The following ADAMTS10 variants were observed in gnomAD, a reference collection of about 807,000 sequenced individuals.
ADAMTS10 encodes ADAM metallopeptidase with thrombospondin type 1 motif 10, also known as A disintegrin and metalloproteinase with thrombospondin motifs 10.
A neutral mutation model predicts 135.9 loss-of-function variants in ADAMTS10; 48 were observed. The observed-to-expected ratio is 0.35, with a 90% CI of 0.28 to 0.45. The LOEUF (loss-of-function observed/expected upper bound fraction) is 0.45. Ranked by LOEUF, ADAMTS10 falls within the 20% of genes least tolerant of loss-of-function variation. ADAMTS10 has a pLI of 1.00. For missense variants in ADAMTS10, 1,131 were observed against 1,565.2 expected, an observed-to-expected ratio of 0.72 and a Z score of 4.68; for synonymous variants, 621 against 647.5, an observed-to-expected ratio of 0.96 and a Z score of 0.62.
intron 5 of ADAMTS10, among the ~76,000 whole-genome samples, 155 bp downstream of exon 5, chr19:8,603,573 C>T (rs560570460): frequency 1.6e-4 from 25 of 152,236 alleles, no homozygotes; most frequent in Non-Finnish European, 3.1e-4. Context: ...TGCACCCGGC[C>T]GGAACTCCAT....
intron 13 of ADAMTS10, among the ~76,000 whole-genome samples, chr19:8,592,390 G>T (rs782410492): frequency 7.3e-5 from 11 of 151,640 alleles, no homozygotes; most frequent in Non-Finnish European, 1.3e-4. Flanking sequence ...TCAGGCTGGG[G>T]AGGGGAGGTC....
chr19:8,604,990 C>A, intron 4 of ADAMTS10, 22 bp downstream of exon 4: 1 of 1,577,028 alleles, frequency 6.3e-7, no homozygotes, highest in Non-Finnish European at 8.6e-7. Context: ...TTTCCCCCCG[C>A]GTTCCAGAAT....
chr19:8,592,911 T>C (rs2042559595), intron 12 of ADAMTS10, 41 bp from the exon 13 acceptor site: 5 of 1,576,946 alleles, frequency 3.2e-6, no homozygotes, highest in Non-Finnish European at 4.3e-6. Flanking sequence ...CCCCCTCCCT[T>C]CCTCCCTGGG....
At chr19:8,588,338 AG>A (rs1188265960) in intron 18 of ADAMTS10, among the ~76,000 whole-genome samples, 4 of 151,380 alleles carry the variant, frequency 2.6e-5, no homozygotes, top group African/African-American at 9.7e-5. Context: ...CTCCCGCTTC[AG>A]CCTCCCAAAG....
At chr19:8,591,906 G>T (rs1282317464) in intron 14 of ADAMTS10, 43 bp from the exon 15 acceptor site, 2 of 1,611,956 alleles carry the variant, frequency 1.2e-6, no homozygotes, top group Non-Finnish European at 1.7e-6. Flanking sequence ...GGCAGTGGGC[G>T]ATGGGGGCAG....
intron 1 of ADAMTS10, among the ~76,000 whole-genome samples, chr19:8,610,339 C>T (rs990944957): frequency 4.1e-5 from 4 of 97,516 alleles, no homozygotes; most frequent in Admixed American, 3.2e-4. Context: ...ACACACTGTC[C>T]AAACACACAG....
intron 18 of ADAMTS10, 103 bp from the exon 19 acceptor site, chr19:8,586,999 T>C: frequency 8.3e-7 from 1 of 1,199,734 alleles, no homozygotes; most frequent in South Asian, 1.2e-5. Context: ...ATTACTGCGC[T>C]AAACACACAT....
chr19:8,605,523 G>GT lies in ADAMTS10; in HGVS notation c.88+99_88+100insA. 7 of 1,267,152 alleles carry GT rather than the reference G, an allele frequency of 5.5e-6. No homozygotes were observed. Among genetic ancestry groups the GT allele is most frequent in the African/African-American group, 1.5e-5 (1 of 65,360 alleles). The allele number at this position is 1,267,152 out of a possible 1,614,324, so 78.5% of individuals were successfully genotyped here. A position where few individuals can be genotyped will look rare whatever the true frequency, so the allele number is the denominator to read the frequency against. The stretch of plus-strand genomic sequence containing the variant: ...ATTGACCCCAGGGCCTTCCCCCATT[G>GT]ACCCCCATCCCAGCCCCCTGATGCC... On this transcript the variant is annotated intron_variant, in intron 3 of 25. Transcript: ENST00000597188. The surrounding 1 kb of genome is among the most constrained non-coding windows in gnomAD (Gnocchi z 7.7).
At chr19:8,598,440 G>A (rs2042628390) in intron 6 of ADAMTS10, among the ~76,000 whole-genome samples, 1 of 152,022 alleles carries the variant, frequency 6.6e-6, no homozygotes, top group South Asian at 2.1e-4. Flanking sequence ...AGGAGGCTCT[G>A]GAGACAGTGG....
At position 8,580,891 on chromosome 19, in the gene ADAMTS10, C is replaced by A. The variant is rs781858378; in HGVS notation, c.*2G>T. On this transcript the variant is annotated 3_prime_UTR_variant, in exon 26 of 26. Coordinates refer to ENST00000597188, the MANE Select transcript of ADAMTS10 (RefSeq NM_030957.4). ...GCTGTGGCTCCGGGTGCCGCGCGCC[C>A]CCTAGTGGCCATGGCAGGTTTTGCA... 2.5e-5 allele frequency: 40 copies of A among 1,602,652 alleles called. No individual in the cohort carries two copies. The highest frequency in any genetic ancestry group is 1.0e-4 in the Admixed American group (6 of 58,754).
intron 12 of ADAMTS10, 166 bp from the exon 13 acceptor site, chr19:8,593,036 G>T: frequency 1.5e-6 from 1 of 680,086 alleles, no homozygotes; most frequent in Non-Finnish European, 2.6e-6. Context: ...CCCTTGCGGG[G>T]CATGGCCTGT....
At position 8,582,027 on chromosome 19, in the gene ADAMTS10, T is replaced by TCAAACAAACAAA. The variant is rs5827004; in HGVS notation, c.3203-1037_3203-1026dup. Among the ~76,000 whole-genome samples, 365 of 149,830 alleles carry TCAAACAAACAAA rather than the reference T, an allele frequency of 2.4e-3. 1 individual carries two copies. The highest frequency in any genetic ancestry group is 7.1e-3 in the African/African-American group (287 of 40,624). On this transcript the variant is annotated intron_variant, in intron 25 of 25. Coordinates refer to ENST00000597188, the MANE Select transcript of ADAMTS10 (RefSeq NM_030957.4). ...GCCTGGGCGACAGAGCGAGACCCTG[T>TCAAACAAACAAA]CAAACAAACAAACAAACAAACAAAC...
Position 8,595,747 on chromosome 19 carries a change from G to A in ADAMTS10, c.1479+15C>T. 6.2e-7 allele frequency: 1 copy of A among 1,611,464 alleles called. No homozygotes were observed. The highest frequency in any genetic ancestry group is 8.5e-7 in the Non-Finnish European group (1 of 1,178,832). On this transcript the variant is annotated intron_variant, in intron 12 of 25. Coordinates refer to ENST00000597188, the MANE Select transcript of ADAMTS10 (RefSeq NM_030957.4). ...CCTCCCCTCCCAGGAAGGAAAGCAG[G>A]AAGACTCTCTCTACCCCGTATTTAC...
At position 8,596,044 on chromosome 19, in the gene ADAMTS10, C is replaced by T. The variant is rs1443837312; in HGVS notation, c.1337+29G>A. 1 of 1,614,090 alleles carries T rather than the reference C, an allele frequency of 6.2e-7. No individual in the cohort carries two copies. Among genetic ancestry groups the T allele is most frequent in the South Asian group, 1.1e-5 (1 of 91,084 alleles). On this transcript the variant is annotated intron_variant, in intron 11 of 25. Transcript: ENST00000597188. This position sits in a 1 kb window ranked among gnomAD's most constrained non-coding sequence, Gnocchi z 7.2. ...CCTGCCCCACCATGAGTGTGACCCGCTCTGAGGGACACCCAGGTGCATCCT... is the reference window on the plus strand; with the variant it reads ...CCTGCCCCACCATGAGTGTGACCCGTTCTGAGGGACACCCAGGTGCATCCT...
chr19:8,605,566 A>G lies in ADAMTS10; in HGVS notation c.88+57T>C. ...CTGATGCCTCTTTCTGTTGGAGCCC[A>G]ACTGGTCTCTTACATTTTTCGCTCC... is the stretch of plus-strand genomic sequence containing the variant. On this transcript the variant is annotated intron_variant, in intron 3 of 25. Transcript: ENST00000597188. The surrounding 1 kb of genome is among the most constrained non-coding windows in gnomAD (Gnocchi z 7.7). 6.7e-7 allele frequency: 1 copy of G among 1,487,416 alleles called. No individual in the cohort carries two copies. Among genetic ancestry groups the G allele is most frequent in the Non-Finnish European group, 9.0e-7 (1 of 1,111,940 alleles). 92.1% of individuals were successfully genotyped at this position (1,487,416 alleles called of 1,614,324 possible). A position where few individuals can be genotyped will look rare whatever the true frequency, so the allele number is the denominator to read the frequency against.
intron 5 of ADAMTS10, among the ~76,000 whole-genome samples, chr19:8,602,118 C>A (rs1031691576): frequency 6.6e-6 from 1 of 152,140 alleles, no homozygotes; most frequent in African/African-American, 2.4e-5. Flanking sequence ...AACTGCATTG[C>A]AGTTAGAACA....
intron 4 of ADAMTS10, 60 bp downstream of exon 4, chr19:8,604,952 T>C (rs950970643): frequency 1.8e-5 from 28 of 1,516,636 alleles, no homozygotes; most frequent in Non-Finnish European, 2.4e-5. Flanking sequence ...TGTAGAAGTG[T>C]TTTTCTTAAC....
chr19:8,595,698 T>TC, intron 12 of ADAMTS10, 64 bp downstream of exon 12: 1 of 1,291,948 alleles, frequency 7.7e-7, no homozygotes, highest in Non-Finnish European at 1.1e-6. Context: ...CTGGTGGAGT[T>TC]CCCTCCCCCA....
intron 18 of ADAMTS10, among the ~76,000 whole-genome samples, chr19:8,588,166 T>C (rs550052195): frequency 1.3e-5 from 2 of 152,212 alleles, no homozygotes; most frequent in African/African-American, 4.8e-5. Flanking sequence ...GAGAATTTCT[T>C]GAACCTGGGA....
Sources: allele counts gnomAD v4.1 joint callset (sites outside exome capture counted in the v4.1 genomes callset), GRCh38; gene constraint gnomAD v4.1.1; non-coding constraint Gnocchi (gnomAD v3.1); transcripts MANE v1.5; gene names NCBI Gene and HGNC (gene_info 2026-07-23, HGNC 2026-07-21).